Variants in PRIM2 observed in about 807,000 individuals in gnomAD.
The protein encoded by PRIM2 is DNA primase subunit 2, also known as DNA primase large subunit.
PRIM2 carries 39 observed loss-of-function variants against 67.3 expected under a neutral mutation model. The ratio of observed to expected loss-of-function variants is 0.58; its 90% confidence interval spans 0.45 to 0.76. The LOEUF is 0.76. Ranked by LOEUF, PRIM2 falls within the 30% of genes least tolerant of loss-of-function variation. PRIM2 has a pLI of 0.00. For synonymous variants in PRIM2, 143 were observed against 198.7 expected, an observed-to-expected ratio of 0.72 and a Z score of 2.36; for missense variants, 398 against 598.7, an observed-to-expected ratio of 0.66 and a Z score of 3.50.
intron 13 of PRIM2, among the ~76,000 whole-genome samples, chr6:57,633,161 C>T (rs1400958317): frequency 6.6e-6 from 1 of 152,184 alleles, no homozygotes; most frequent in African/African-American, 2.4e-5. Flanking sequence ...TTGTGAGGCC[C>T]TCTGCAGGCC....
At chr6:57,408,920 C>T (rs1256483455) in intron 7 of PRIM2, among the ~76,000 whole-genome samples, 1 of 152,168 alleles carries the variant, frequency 6.6e-6, no homozygotes, top group Non-Finnish European at 1.5e-5. Context: ...CTGTGTTTCC[C>T]AGACTGGTCT....
At chr6:57,612,784 T>C (rs1776689397) in intron 12 of PRIM2, among the ~76,000 whole-genome samples, 1 of 148,818 alleles carries the variant, frequency 6.7e-6, no homozygotes, top group Non-Finnish European at 1.5e-5. Context: ...TTCTTTTTTT[T>C]CTTTTCGCCT....
At chr6:57,541,856 C>A (rs1319868105) in intron 10 of PRIM2, among the ~76,000 whole-genome samples, 1 of 152,014 alleles carries the variant, frequency 6.6e-6, no homozygotes, top group Non-Finnish European at 1.5e-5. Context: ...CTTTAACTAC[C>A]AATTCAAATG....
intron 10 of PRIM2, among the ~76,000 whole-genome samples, chr6:57,573,701 A>G (rs1318720873): frequency 6.6e-6 from 1 of 152,224 alleles, no homozygotes; most frequent in African/African-American, 2.4e-5. Context: ...AGGTAAAATG[A>G]TAAGCAATTG....
intron 7 of PRIM2, among the ~76,000 whole-genome samples, chr6:57,464,290 C>A (rs1334546262): frequency 6.6e-6 from 1 of 151,616 alleles, no homozygotes; most frequent in East Asian, 1.9e-4. Flanking sequence ...CTTTTCTTTT[C>A]CCCCCGAGAT....
At chr6:57,514,441 C>T (rs1774438542) in intron 8 of PRIM2, among the ~76,000 whole-genome samples, 1 of 152,034 alleles carries the variant, frequency 6.6e-6, no homozygotes, top group Non-Finnish European at 1.5e-5. Flanking sequence ...ATGAAAGCCT[C>T]ATTAGCCTGG....
the PRIM2 span, among the ~76,000 whole-genome samples, chr6:57,262,754 TATTTC>T: frequency 6.6e-6 from 1 of 152,146 alleles, no homozygotes; most frequent in African/African-American, 2.4e-5. Flanking sequence ...TCTCTTTGAC[TATTTC>T]CTCAGCTAAT....
intron 5 of PRIM2, among the ~76,000 whole-genome samples, chr6:57,339,194 G>T (rs1282142831): frequency 1.3e-5 from 2 of 152,038 alleles, no homozygotes; most frequent in Admixed American, 6.5e-5. Context: ...CACTGCTCAA[G>T]GAAATGAAAG....
chr6:57,323,777 T>G (rs1480697253), intron 3 of PRIM2, among the ~76,000 whole-genome samples: 1 of 147,862 alleles, frequency 6.8e-6, no homozygotes, highest in African/African-American at 2.5e-5. Context: ...GAACTTAAAG[T>G]AAAAAGGAAA....
chr6:57,437,688 C>G (rs1398707017), intron 7 of PRIM2, among the ~76,000 whole-genome samples: 1 of 122,736 alleles, frequency 8.1e-6, no homozygotes, highest in East Asian at 2.5e-4. Context: ...TTTTTTAAGA[C>G]AGGGTCTTAC....
intron 12 of PRIM2, among the ~76,000 whole-genome samples, chr6:57,622,942 A>T (rs1776885271): frequency 6.6e-6 from 1 of 152,218 alleles, no homozygotes; most frequent in Non-Finnish European, 1.5e-5. Flanking sequence ...CTGTTTACTT[A>T]ATGTTCCTAA....
intron 7 of PRIM2, among the ~76,000 whole-genome samples, chr6:57,410,331 C>CAA (rs66631802): frequency 2.2e-3 from 230 of 105,336 alleles, no homozygotes; most frequent in Non-Finnish European, 3.1e-3. Context: ...AACGCCATCT[C>CAA]AAAAAAAAAA....
intron 10 of PRIM2, among the ~76,000 whole-genome samples, chr6:57,594,451 A>G (rs1376907879): frequency 3.3e-5 from 5 of 152,254 alleles, no homozygotes; most frequent in African/African-American, 1.2e-4. Flanking sequence ...TGGCAAAAGG[A>G]CAGACATATA....
chr6:57,499,768 A>G (rs1173285358), intron 7 of PRIM2, among the ~76,000 whole-genome samples: 1 of 152,222 alleles, frequency 6.6e-6, no homozygotes, highest in East Asian at 1.9e-4. Flanking sequence ...GAAAGATAAT[A>G]CTTTTTCTTC....
At chr6:57,437,355 T>C (rs1772044952) in intron 7 of PRIM2, among the ~76,000 whole-genome samples, 1 of 152,202 alleles carries the variant, frequency 6.6e-6, no homozygotes, top group South Asian at 2.1e-4. Flanking sequence ...CCCTAGGTAT[T>C]CTATTTTGCT....
In PRIM2 at chr6:57,474,173, CTTTTTTTTTTTTTTT is replaced by C. The variant is rs1158188964; in HGVS notation, c.694-33198_694-33184del. ...TCTACTTTTTCTGCAATTCTGCTATCTTTTTTTTTTTTTTTTTTTTTTTTTTTTTTGAGCTCTGTC... is the reference window on the plus strand; with the variant it reads ...TCTACTTTTTCTGCAATTCTGCTATCTTTTTTTTTTTTTTTGAGCTCTGTC... On this transcript the variant is annotated intron_variant, in intron 7 of 13. Coordinates refer to ENST00000615550, the MANE Select transcript of PRIM2 (RefSeq NM_000947.5). Among the ~76,000 whole-genome samples, 17 of 63,970 alleles carry C rather than the reference CTTTTTTTTTTTTTTT, an allele frequency of 2.7e-4. No individual in the cohort carries two copies. The East Asian group carries it at 5.4e-3, about 20-fold the overall frequency. The allele number at this position is 63,970 out of a possible 152,430, so 42.0% of individuals were successfully genotyped here. A position where few individuals can be genotyped will look rare whatever the true frequency, so the allele number is the denominator to read the frequency against.
chr6:57,431,316 G>A (rs1771820252), intron 7 of PRIM2, among the ~76,000 whole-genome samples: 1 of 151,824 alleles, frequency 6.6e-6, no homozygotes, highest in East Asian at 1.9e-4. Context: ...TAACAACTGT[G>A]AACTACCTCA....
intron 7 of PRIM2, among the ~76,000 whole-genome samples, chr6:57,486,379 A>C (rs1245593277): frequency 6.6e-6 from 1 of 152,270 alleles, no homozygotes; most frequent in African/African-American, 2.4e-5. Flanking sequence ...AACCTACGGC[A>C]TGAATGGGTT....
the PRIM2 span, among the ~76,000 whole-genome samples, chr6:57,271,502 A>G: frequency 0.049 from 7,437 of 152,176 alleles, 386 homozygotes; most frequent in African/African-American, 0.13. Context: ...TATTCCGTCT[A>G]TTTGATTCTT....
Sources: allele counts gnomAD v4.1 joint callset (sites outside exome capture counted in the v4.1 genomes callset), GRCh38; gene constraint gnomAD v4.1.1; transcripts MANE v1.5; gene names NCBI Gene and HGNC (gene_info 2026-07-23, HGNC 2026-07-21).